Variants in SLC2A13 observed in about 807,000 individuals in gnomAD.
SLC2A13 encodes solute carrier family 2 member 13.
A neutral mutation model predicts 64.4 loss-of-function variants in SLC2A13; 32 were observed. That is an observed-to-expected ratio of 0.50 (90% CI 0.37 to 0.67). The LOEUF (loss-of-function observed/expected upper bound fraction) is 0.67, where lower values mean the gene tolerates loss of function less well. SLC2A13 is among the 30% of genes least tolerant of loss of function. The pLI, the probability that SLC2A13 is intolerant of heterozygous loss-of-function variation, is 0.00. For synonymous variants in SLC2A13, 338 were observed against 327.1 expected (o/e 1.03, Z -0.36); for missense variants, 743 against 829.2 (o/e 0.90, Z 1.28).
At position 39,919,753 on chromosome 12, in the gene SLC2A13, T is replaced by C. The variant is rs1945582854; in HGVS notation, c.1034+31504A>G. 2.0e-5 allele frequency among the ~76,000 whole-genome samples: 3 copies of C among 152,114 alleles called. No homozygotes were observed. In the East Asian group the frequency reaches 5.8e-4, roughly 29 times the overall value. On this transcript the variant is annotated intron_variant, in intron 4 of 9. Transcript: ENST00000280871. ...CCTATAATTTCATCTTTTCTAATAG[T>C]TGTATATTAAAGAAGGTTATCATTG...
At chr12:40,099,231 TG>T (rs1348327589) in intron 1 of SLC2A13, among the ~76,000 whole-genome samples, 1 of 152,168 alleles carries the variant, frequency 6.6e-6, no homozygotes, top group Non-Finnish European at 1.5e-5. Flanking sequence ...CTCCTGACAA[TG>T]GAAGTTTTGA....
At chr12:39,783,403 G>C (rs1941070196) in intron 7 of SLC2A13, among the ~76,000 whole-genome samples, 1 of 152,196 alleles carries the variant, frequency 6.6e-6, no homozygotes, top group Admixed American at 6.5e-5. Context: ...GGATGGCTGT[G>C]TCAAATGGTA....
intron 9 of SLC2A13, among the ~76,000 whole-genome samples, chr12:39,760,976 A>ACAC (rs1236073642): frequency 2.7e-5 from 4 of 150,140 alleles, no homozygotes; most frequent in Non-Finnish European, 4.5e-5. Context: ...ACACACACAT[A>ACAC]ATTGAATTGC....
intron 3 of SLC2A13, among the ~76,000 whole-genome samples, chr12:39,970,166 T>G (rs1321299270): frequency 6.6e-6 from 1 of 152,196 alleles, no homozygotes; most frequent in African/African-American, 2.4e-5. Flanking sequence ...TATATCTCTG[T>G]TTTGGTACCA....
At chr12:40,090,860 G>A (rs1418439401) in intron 1 of SLC2A13, among the ~76,000 whole-genome samples, 3 of 152,018 alleles carry the variant, frequency 2.0e-5, no homozygotes, top group Non-Finnish European at 4.4e-5. Flanking sequence ...TATCTATGAA[G>A]AAGTAAAAAA....
chr12:40,023,833 T>A (rs1402879074), intron 3 of SLC2A13, among the ~76,000 whole-genome samples: 8 of 152,196 alleles, frequency 5.3e-5, no homozygotes, highest in Admixed American at 5.2e-4. Flanking sequence ...GACAGAGTGA[T>A]GGGTTCCATG....
chr12:39,989,696 T>A (rs913864766), intron 3 of SLC2A13, among the ~76,000 whole-genome samples: 8 of 152,206 alleles, frequency 5.3e-5, no homozygotes, highest in African/African-American at 1.7e-4. Flanking sequence ...CATCGCCATA[T>A]GCACAACTTT....
At chr12:40,074,708 C>T (rs567834825) in intron 1 of SLC2A13, among the ~76,000 whole-genome samples, 4 of 152,082 alleles carry the variant, frequency 2.6e-5, no homozygotes, top group African/African-American at 4.8e-5. Context: ...CATTTTTCCC[C>T]CTTTTACTGT....
chr12:40,047,504 T>A (rs1410272258), intron 2 of SLC2A13, among the ~76,000 whole-genome samples: 2 of 152,238 alleles, frequency 1.3e-5, no homozygotes, highest in Non-Finnish European at 2.9e-5. Flanking sequence ...AATAATAGTT[T>A]GTATTTATTT....
chr12:39,797,477 TAA>T (rs1047684869), intron 7 of SLC2A13, among the ~76,000 whole-genome samples: 37 of 152,172 alleles, frequency 2.4e-4, no homozygotes, highest in African/African-American at 8.9e-4. Flanking sequence ...GGAAAATATA[TAA>T]GTGGTGATTT....
rs981538623 is a variant in SLC2A13 at position 39,755,637 on chromosome 12, A to C, written c.*4389T>G. 1 of 152,058 alleles carries C rather than the reference A, an allele frequency of 6.6e-6. No homozygotes were observed. The highest frequency in any genetic ancestry group is 2.4e-5 in the African/African-American group (1 of 41,426). The allele number at this position is 152,058 out of a possible 1,614,324, so 9.4% of individuals were successfully genotyped here. A position where few individuals can be genotyped will look rare whatever the true frequency, so the allele number is the denominator to read the frequency against. On this transcript the variant is annotated 3_prime_UTR_variant, in exon 10 of 10. Transcript: ENST00000280871. The stretch of plus-strand genomic sequence containing the variant: ...AAACTTTACAAAATGTTGGTTACTC[A>C]TTAGCTGCATGATCCACTTCTTTTT...
chr12:39,958,859 G>GT (rs1946362372), intron 3 of SLC2A13, among the ~76,000 whole-genome samples: 1 of 151,976 alleles, frequency 6.6e-6, no homozygotes, highest in African/African-American at 2.4e-5. Flanking sequence ...TGGCTAATTT[G>GT]TTTTGGGGAC....
intron 3 of SLC2A13, among the ~76,000 whole-genome samples, chr12:40,008,864 A>C (rs1351215289): frequency 1.3e-5 from 2 of 152,204 alleles, no homozygotes; most frequent in African/African-American, 2.4e-5. Flanking sequence ...TGCTCAAGAA[A>C]ACATATACAA....
intron 4 of SLC2A13, among the ~76,000 whole-genome samples, chr12:39,883,847 A>G (rs576734710): frequency 1.3e-5 from 2 of 152,324 alleles, no homozygotes; most frequent in East Asian, 3.9e-4. Flanking sequence ...AGGAACATGC[A>G]GGATGAAGTG....
chr12:39,844,715 T>C (rs979770826), intron 6 of SLC2A13, among the ~76,000 whole-genome samples: 2 of 152,054 alleles, frequency 1.3e-5, no homozygotes, highest in African/African-American at 4.8e-5. Context: ...AAGAAGCAAG[T>C]GGGGTCTCTA....
intron 5 of SLC2A13, 22 bp downstream of exon 5, chr12:39,871,776 A>G (rs772987984): frequency 6.3e-7 from 1 of 1,579,672 alleles, no homozygotes; most frequent in Admixed American, 1.9e-5. Context: ...TTTATAATTG[A>G]ATTCTTTATC....
In SLC2A13 at chr12:39,764,816, C is replaced by A; in HGVS notation, c.1488G>T (p.Trp496Cys). ...ATGGAGTAGGGCAGAAATTGTAAGCCCAAAATATATCTTCTGTTTTGAACT... is the reference window on the plus strand; with the variant it reads ...ATGGAGTAGGGCAGAAATTGTAAGCACAAAATATATCTTCTGTTTTGAACT... ...ETKFKTEDIF[W>C]AYNFCPTPYS... Residue 496 changes from tryptophan (W) to cysteine (C), a missense_variant, in exon 8 of 10, where the codon TGG becomes TGT. By Grantham distance (215) the Trp-to-Cys change is radical (BLOSUM62 -2). Transcript: ENST00000280871. 6.2e-7 allele frequency: 1 copy of A among 1,612,294 alleles called. No homozygotes were observed. Among genetic ancestry groups the A allele is most frequent in the Non-Finnish European group, 8.5e-7 (1 of 1,179,076 alleles).
At chr12:39,838,287 A>G (rs561014984) in intron 6 of SLC2A13, among the ~76,000 whole-genome samples, 2 of 146,938 alleles carry the variant, frequency 1.4e-5, no homozygotes, top group South Asian at 4.4e-4. Context: ...TGGGAACTGA[A>G]CAATGAGATC....
intron 3 of SLC2A13, among the ~76,000 whole-genome samples, chr12:39,988,897 A>G (rs555740): frequency 0.43 from 64,858 of 151,958 alleles, 14,325 homozygotes; most frequent in African/African-American, 0.52. Context: ...TTAACTCTAT[A>G]CGTCGCCTCC....
Sources: gnomAD v4.1 joint callset for allele counts (sites outside exome capture counted in the v4.1 genomes callset) on GRCh38, gnomAD v4.1.1 for gene constraint, MANE v1.5 for transcripts, NCBI Gene and HGNC (gene_info 2026-07-23, HGNC 2026-07-21) for gene names.